IFT27: variants seen among roughly 807,000 people sequenced by gnomAD.
IFT27 encodes intraflagellar transport protein 27 homolog.
IFT27 carries 19 observed loss-of-function variants against 23.9 expected under a neutral mutation model. The ratio of observed to expected loss-of-function variants is 0.79; its 90% CI spans 0.55 to 1.16. IFT27 has a LOEUF of 1.16. Ranked by LOEUF, IFT27 falls within the 50% of genes most tolerant of loss-of-function variation. The pLI is 0.00. For synonymous variants in IFT27, 91 were observed against 89.1 expected (o/e 1.02, Z -0.12); for missense variants, 206 against 228.7 (o/e 0.90, Z 0.64).
intron 6 of IFT27, chr22:36,762,040 A>C (rs56765033): frequency 0.028 from 4,299 of 152,324 alleles, 216 homozygotes; most frequent in African/African-American, 0.099. Context: ...GGGGCAGGGC[A>C]ACCAACACTC....
chr22:36,772,862 T>C (rs1273698294), intron 1 of IFT27: 1 of 575,172 alleles, frequency 1.7e-6, no homozygotes, highest in Non-Finnish European at 2.2e-6. Context: ...ATGTGTGTGG[T>C]GGGGGTGGGT....
At chr22:36,765,504 A>AG (rs1035931010) in intron 4 of IFT27, among the ~76,000 whole-genome samples, 1 of 150,302 alleles carries the variant, frequency 6.7e-6, no homozygotes, top group African/African-American at 2.5e-5. Flanking sequence ...ACAAAAAAAA[A>AG]GGGGCAGAAA....
At chr22:36,770,414 G>A (rs1938362743) in intron 1 of IFT27, among the ~76,000 whole-genome samples, 1 of 152,042 alleles carries the variant, frequency 6.6e-6, no homozygotes, top group Admixed American at 6.5e-5. Context: ...TGTCATCGGC[G>A]GCGCTCTGCT....
At chr22:36,763,770 C>A (rs760615009) in intron 5 of IFT27, 149 bp downstream of exon 5, 1 of 717,354 alleles carries the variant, frequency 1.4e-6, no homozygotes, top group Admixed American at 2.0e-5. Flanking sequence ...GGCATGGCTG[C>A]TAAGTGGCAG....
At chr22:36,766,277 C>T (rs187005753) in intron 3 of IFT27, 80 bp from the exon 4 acceptor site, 2 of 1,179,354 alleles carry the variant, frequency 1.7e-6, no homozygotes, top group African/African-American at 1.5e-5. Flanking sequence ...TCAACTCACA[C>T]TGGACTTGTC....
chr22:36,760,457 T>C (rs1255768130), intron 6 of IFT27: 1 of 152,226 alleles, frequency 6.6e-6, no homozygotes, highest in Non-Finnish European at 1.5e-5. Flanking sequence ...TTTCGTCTGA[T>C]CACTAATCAT....
rs1938048050 is a variant in IFT27 at position 36,760,228 on chromosome 22, GA to G, written c.463-1820del. On this transcript the variant is annotated intron_variant, in intron 6 of 6. Coordinates refer to ENST00000433985, the MANE Select transcript of IFT27 (RefSeq NM_001177701.3). ...CTGCTTCCGTCGAAAGTAGAGTTAA[GA>G]ATGGAATGGAAAAAGACTGAGGCCT... is the stretch of plus-strand genomic sequence containing the variant. The G allele has an allele frequency of 1.3e-5, 2 of 152,260 alleles. 1 individual carries two copies. Among genetic ancestry groups the G allele is most frequent in the South Asian group, 4.1e-4 (2 of 4,830 alleles). The allele number at this position is 152,260 out of a possible 1,614,324, so 9.4% of individuals were successfully genotyped here.
intron 1 of IFT27, among the ~76,000 whole-genome samples, chr22:36,768,833 C>T (rs563622345): frequency 1.2e-4 from 18 of 152,314 alleles, no homozygotes; most frequent in South Asian, 8.3e-4. Context: ...TGCACTCCAC[C>T]GTCCAGGTCC....
intron 1 of IFT27, among the ~76,000 whole-genome samples, chr22:36,771,861 G>C (rs1369675671): frequency 2.0e-5 from 3 of 152,060 alleles, no homozygotes; most frequent in Non-Finnish European, 4.4e-5. Context: ...ATGACACAGT[G>C]CCTCCATCTT....
chr22:36,775,349 A>T (rs1430382691), intron 1 of IFT27, among the ~76,000 whole-genome samples: 1 of 151,598 alleles, frequency 6.6e-6, no homozygotes, highest in Non-Finnish European at 1.5e-5. Context: ...AGGTTTGCTT[A>T]AGCTTTGTTT....
At chr22:36,765,941 G>A (rs564370452) in intron 4 of IFT27, among the ~76,000 whole-genome samples, 197 bp downstream of exon 4, 54 of 152,308 alleles carry the variant, frequency 3.5e-4, no homozygotes, top group African/African-American at 1.3e-3. Context: ...GCTGGGGCCC[G>A]GGCAGTCACA....
chr22:36,772,565 T>C, intron 1 of IFT27: 1 of 985,148 alleles, frequency 1.0e-6, no homozygotes, highest in African/African-American at 1.8e-5. Flanking sequence ...TGGAGGCATT[T>C]CCCCGCATCT....
intron 5 of IFT27, chr22:36,763,245 T>C: frequency 2.3e-6 from 1 of 430,382 alleles, no homozygotes; most frequent in Non-Finnish European, 4.1e-6. Context: ...TAGGTCTTTT[T>C]CTAGACCTCA....
Position 36,775,881 on chromosome 22 carries a change from G to C in IFT27, c.-174C>G. The C allele has an allele frequency of 1.9e-6, 1 of 531,378 alleles. No individual in the cohort carries two copies. The highest frequency in any genetic ancestry group is 3.4e-6 in the Non-Finnish European group (1 of 296,980). 32.9% of individuals were successfully genotyped at this position (531,378 alleles called of 1,614,324 possible). A position where few individuals can be genotyped will look rare whatever the true frequency, so the allele number is the denominator to read the frequency against. On this transcript the variant is annotated 5_prime_UTR_variant, in exon 1 of 7. Transcript: ENST00000433985. ...GGGGATGACCGAGCCCGGCCCTTCT[G>C]GGCCGGGGGCGGATATCGGGCGCTG...
chr22:36,769,850 T>A (rs1271211111), intron 1 of IFT27, among the ~76,000 whole-genome samples: 1 of 152,200 alleles, frequency 6.6e-6, no homozygotes, highest in Non-Finnish European at 1.5e-5. Flanking sequence ...CTCCTGCTTA[T>A]GAGATTCCTC....
intron 2 of IFT27, 115 bp from the exon 3 acceptor site, chr22:36,767,480 T>C: frequency 1.1e-6 from 1 of 896,112 alleles, no homozygotes; most frequent in Non-Finnish European, 1.8e-6. Context: ...GAAGGGTTTG[T>C]TCTGGACTCA....
At position 36,775,920 on chromosome 22, in the gene IFT27, AGG is replaced by A. The variant is rs1224425786; in HGVS notation, c.-215_-214del. 5.0e-3 allele frequency: 23 copies of A among 4,590 alleles called. 2 individuals are homozygous for A. The South Asian group carries it at 0.065, about 13-fold the overall frequency. 0.3% of individuals were successfully genotyped at this position (4,590 alleles called of 1,614,324 possible). A position where few individuals can be genotyped will look rare whatever the true frequency, so the allele number is the denominator to read the frequency against. ...TATCGGGCGCTGGGGGCGGGTGGGC[AGG>A]GGAGGGCTCCAGGTGGGCCCGGCTC... On this transcript the variant is annotated 5_prime_UTR_variant, in exon 1 of 7. Transcript: ENST00000433985.
At chr22:36,773,051 G>A (rs1938422569) in intron 1 of IFT27, among the ~76,000 whole-genome samples, 1 of 152,196 alleles carries the variant, frequency 6.6e-6, no homozygotes, top group African/African-American at 2.4e-5. Context: ...CAAGGGAGTT[G>A]GGGGTAAAGA....
chr22:36,759,720 A>C lies in IFT27; in HGVS notation c.463-1311T>G, dbSNP rs537779295. The C allele has an allele frequency of 2.0e-3, 302 of 152,358 alleles. 1 individual carries two copies. Among genetic ancestry groups the C allele is most frequent in the African/African-American group, 6.7e-3 (279 of 41,566 alleles). 9.4% of individuals were successfully genotyped at this position (152,358 alleles called of 1,614,324 possible). On this transcript the variant is annotated intron_variant, in intron 6 of 6. Transcript: ENST00000433985. ...AAGAGGCCGTGAAATATCCCCAACG[A>C]AACAGAAGGATTTCCAAACTGAAGA...
Sources: allele counts gnomAD v4.1 joint callset (sites outside exome capture counted in the v4.1 genomes callset), GRCh38; gene constraint gnomAD v4.1.1; transcripts MANE v1.5; gene names NCBI Gene and HGNC (gene_info 2026-07-23, HGNC 2026-07-21).